SNX29: variants seen among roughly 807,000 people sequenced by gnomAD.
SNX29 encodes the protein sorting nexin-29.
In SNX29, 78 loss-of-function variants were observed where a neutral mutation model predicts 102.1. The observed-to-expected ratio is 0.76, with a 90% CI of 0.64 to 0.92. SNX29 has a LOEUF of 0.92. SNX29 is among the 40% of genes least tolerant of loss of function. The pLI is 0.00. For missense variants in SNX29, 1,280 were observed against 1,061.7 expected, an observed-to-expected ratio of 1.21 and a Z score of -2.86; for synonymous variants, 580 against 414.5, an observed-to-expected ratio of 1.40 and a Z score of -4.85.
chr16:12,504,213 T>C (rs1017673953), intron 19 of SNX29, among the ~76,000 whole-genome samples: 4 of 152,362 alleles, frequency 2.6e-5, no homozygotes, highest in South Asian at 2.1e-4. Context: ...TGTCCTGTTA[T>C]AGCACATAAC....
intron 15 of SNX29, among the ~76,000 whole-genome samples, chr16:12,349,347 T>A (rs1308310385): frequency 6.6e-6 from 1 of 152,256 alleles, no homozygotes; most frequent in Non-Finnish European, 1.5e-5. Context: ...GGATTTCCTG[T>A]GACTCTGTGT....
chr16:12,565,578 C>A (rs12708751), intron 20 of SNX29, among the ~76,000 whole-genome samples: 39,499 of 151,960 alleles, frequency 0.26, 5,703 homozygotes, highest in East Asian at 0.44. Context: ...CTGTCACACC[C>A]TCAACCACAG....
At chr16:12,493,655 G>A (rs1328429729) in intron 19 of SNX29, among the ~76,000 whole-genome samples, 3 of 152,150 alleles carry the variant, frequency 2.0e-5, no homozygotes, top group South Asian at 2.1e-4. Flanking sequence ...GCAGTGGCAC[G>A]ATCTCGGCTC....
intron 15 of SNX29, among the ~76,000 whole-genome samples, chr16:12,278,890 A>C (rs146228230): frequency 1.1e-4 from 17 of 152,324 alleles, no homozygotes; most frequent in African/African-American, 3.8e-4. Flanking sequence ...AGTAGCCTCA[A>C]AGAGGACAAC....
chr16:12,454,622 A>G (rs1031549307), intron 18 of SNX29, among the ~76,000 whole-genome samples: 1 of 152,168 alleles, frequency 6.6e-6, no homozygotes, highest in East Asian at 1.9e-4. Flanking sequence ...GGAAGAACAG[A>G]TCAGGCAGGG....
At chr16:12,281,151 C>A (rs1485408115) in intron 15 of SNX29, among the ~76,000 whole-genome samples, 3 of 152,198 alleles carry the variant, frequency 2.0e-5, no homozygotes, top group African/African-American at 7.2e-5. Context: ...TGACCTCCAA[C>A]AATACTCTCA....
At chr16:12,277,834 CTGAAG>C in intron 14 of SNX29, 94 bp from the exon 15 acceptor site, 1 of 977,762 alleles carries the variant, frequency 1.0e-6, no homozygotes, top group Non-Finnish European at 1.6e-6. Flanking sequence ...CTTTTTCAGT[CTGAAG>C]TCATCTGAGA....
chr16:12,126,610 T>A lies in SNX29; in HGVS notation c.1403-23T>A, dbSNP rs749489738. 1.4e-5 allele frequency: 23 copies of A among 1,613,386 alleles called. No homozygotes were observed. The South Asian group carries it at 2.5e-4, about 18-fold the overall frequency. On this transcript the variant is annotated intron_variant, in intron 11 of 20. Transcript: ENST00000566228. ...AACAGGCAAGACCTGCCAATTAATC[T>A]TGACTTTGTTTTCTTCCCTTAGGTG...
chr16:12,272,145 G>A (rs1051132384), intron 14 of SNX29, among the ~76,000 whole-genome samples: 1 of 152,128 alleles, frequency 6.6e-6, no homozygotes, highest in Non-Finnish European at 1.5e-5. Flanking sequence ...AAGCCTTTAA[G>A]GTCAAAAAGC....
At chr16:12,230,497 A>G (rs1246943830) in intron 14 of SNX29, among the ~76,000 whole-genome samples, 3 of 152,244 alleles carry the variant, frequency 2.0e-5, no homozygotes, top group Non-Finnish European at 4.4e-5. Context: ...AAACTGGACC[A>G]TTCTGCAAAT....
At chr16:12,027,651 G>T in intron 4 of SNX29, 1 of 526,618 alleles carries the variant, frequency 1.9e-6, no homozygotes. Flanking sequence ...CTTTTGTGCA[G>T]AATTCTCAGA....
intron 11 of SNX29, among the ~76,000 whole-genome samples, chr16:12,116,921 C>A (rs1019135502): frequency 6.6e-6 from 1 of 152,102 alleles, no homozygotes; most frequent in Non-Finnish European, 1.5e-5. Context: ...ACGGTCAATA[C>A]GTGCTTCAAC....
chr16:11,983,742 C>G, intron 1 of SNX29: 1 of 981,766 alleles, frequency 1.0e-6, no homozygotes. Flanking sequence ...GCTTAGAGCT[C>G]TTAAAATTTG....
intron 14 of SNX29, among the ~76,000 whole-genome samples, chr16:12,276,807 A>G (rs981563374): frequency 6.6e-6 from 1 of 152,092 alleles, no homozygotes; most frequent in Non-Finnish European, 1.5e-5. Context: ...GTGGGCATAT[A>G]TGGGCATATA....
chr16:12,467,280 TTC>T (rs1269599703), intron 18 of SNX29, among the ~76,000 whole-genome samples: 1 of 152,210 alleles, frequency 6.6e-6, no homozygotes, highest in East Asian at 1.9e-4. Flanking sequence ...TACATCTGTG[TTC>T]TCTCTCCAGT....
chr16:12,551,337 A>G (rs2077964169), intron 20 of SNX29, among the ~76,000 whole-genome samples: 2 of 152,206 alleles, frequency 1.3e-5, no homozygotes, highest in East Asian at 1.9e-4. Context: ...AGATATGTGG[A>G]ATCATTCTTT....
chr16:12,020,479 G>C (rs2056985013), intron 3 of SNX29, among the ~76,000 whole-genome samples: 1 of 152,102 alleles, frequency 6.6e-6, no homozygotes, highest in African/African-American at 2.4e-5. Context: ...TGGGATTGCA[G>C]GTGTGAGCAA....
chr16:12,241,821 G>A (rs572480332), intron 14 of SNX29, among the ~76,000 whole-genome samples: 1 of 152,296 alleles, frequency 6.6e-6, no homozygotes, highest in South Asian at 2.1e-4. Flanking sequence ...ATCCATGATG[G>A]GTCCATCATC....
chr16:11,988,609 A>G (rs2055724108), intron 1 of SNX29, among the ~76,000 whole-genome samples: 1 of 152,216 alleles, frequency 6.6e-6, no homozygotes, highest in African/African-American at 2.4e-5. Flanking sequence ...TGTATTGCCC[A>G]GGCTGGTCTC....
Sources: allele counts gnomAD v4.1 joint callset (sites outside exome capture counted in the v4.1 genomes callset), GRCh38; gene constraint gnomAD v4.1.1; transcripts MANE v1.5; gene names NCBI Gene and HGNC (gene_info 2026-07-23, HGNC 2026-07-21).